KMT5B: variants seen among roughly 807,000 people sequenced by gnomAD.
The protein encoded by KMT5B is lysine methyltransferase 5B.
KMT5B carries 10 observed loss-of-function variants against 83.2 expected under a neutral mutation model. That is an observed-to-expected ratio of 0.12 (90% CI 0.07 to 0.20). KMT5B has a LOEUF of 0.20. KMT5B is among the 10% of genes least tolerant of loss of function. The pLI is 1.00. For missense variants in KMT5B, 753 were observed against 1,067.2 expected, an observed-to-expected ratio of 0.71 and a Z score of 4.10; for synonymous variants, 349 against 388.8, an observed-to-expected ratio of 0.90 and a Z score of 1.20.
chr11:68,191,210 G>A (rs994181002), intron 1 of KMT5B, among the ~76,000 whole-genome samples: 7 of 80,890 alleles, frequency 8.7e-5, no homozygotes, highest in African/African-American at 3.2e-4. Flanking sequence ...TGTGTGTGTA[G>A]AGACGAGGTC....
At chr11:68,194,004 T>G (rs192339598) in intron 1 of KMT5B, among the ~76,000 whole-genome samples, 2 of 151,942 alleles carry the variant, frequency 1.3e-5, no homozygotes, top group African/African-American at 4.8e-5. Flanking sequence ...CAAAGAAAGC[T>G]TGAGAAAAAG....
At chr11:68,192,971 C>A (rs963760676) in intron 1 of KMT5B, among the ~76,000 whole-genome samples, 3 of 152,130 alleles carry the variant, frequency 2.0e-5, no homozygotes, top group Admixed American at 6.6e-5. Context: ...GTGGGGGATG[C>A]TTGTAATTTA....
chr11:68,187,577 A>T (rs1857556580), intron 2 of KMT5B, among the ~76,000 whole-genome samples: 1 of 152,208 alleles, frequency 6.6e-6, no homozygotes, highest in Non-Finnish European at 1.5e-5. Context: ...TTTGAAGTTT[A>T]TGGAAGCTTG....
In KMT5B at chr11:68,158,018, T is replaced by A; in HGVS notation, c.2328A>T (p.Lys776Asn). The change falls in exon 11 of 11, where the codon AAA becomes AAT. Residue 776 changes from lysine to asparagine, a missense_variant. Lys to Asn is a moderately conservative substitution (Grantham distance 94). Coordinates refer to ENST00000304363, the MANE Select transcript of KMT5B (RefSeq NM_017635.5). Reference sequence around the variant, plus strand: ...CATCTCGTTTTAGCTGGATTTTTAATTTTGTAGAACTACTGCCTGATCCTG... The same window carrying A: ...CATCTCGTTTTAGCTGGATTTTTAAATTTGTAGAACTACTGCCTGATCCTG... ...FNSGSGSSST[K>N]LKIQLKRDEE... The A allele has an allele frequency of 6.2e-7, 1 of 1,614,208 alleles. No homozygotes were observed. Among genetic ancestry groups the A allele is most frequent in the Non-Finnish European group, 8.5e-7 (1 of 1,180,034 alleles).
Position 68,167,015 on chromosome 11 carries a change from C to T in KMT5B, c.1141G>A (p.Asp381Asn), listed in dbSNP as rs771410969. The T allele has an allele frequency of 6.2e-7, 1 of 1,614,094 alleles. No individual in the cohort carries two copies. Among genetic ancestry groups the T allele is most frequent in the South Asian group, 1.1e-5 (1 of 91,074 alleles). Residue 381 changes from aspartate (D) to asparagine (N), a missense_variant, in exon 10 of 11, where the codon GAT becomes AAT. Physicochemically the swap from Asp to Asn is conservative, Grantham distance 23. Around this residue, in one of 9 missense-constraint regions of KMT5B, gnomAD observed 397 missense variants for 395.9 expected, o/e 1.00. Transcript: ENST00000304363. Reference protein sequence around the residue: ...SDSQSVSSNTDADTTQEKNNA... With the variant: ...SDSQSVSSNTNADTTQEKNNA... The stretch of plus-strand genomic sequence containing the variant: ...TTTTTTTCCTGAGTGGTATCTGCAT[C>T]AGTGTTAGAGCTGACAGATTGACTG...
intron 3 of KMT5B, among the ~76,000 whole-genome samples, chr11:68,185,380 G>A (rs1025495150): frequency 6.6e-6 from 1 of 151,952 alleles, no homozygotes. Flanking sequence ...AATTTTTTTT[G>A]TACTTTTAGT....
chr11:68,158,547 G>T lies in KMT5B; in HGVS notation c.1799C>A (p.Ala600Glu), dbSNP rs1313159696. 1 of 1,614,104 alleles carries T rather than the reference G, an allele frequency of 6.2e-7. No homozygotes were observed. The highest frequency in any genetic ancestry group is 1.3e-5 in the African/African-American group (1 of 75,012). Reference protein sequence around the residue: ...LAHETAQKGEAKCHKSDTGMS... With the variant: ...LAHETAQKGEEKCHKSDTGMS... The stretch of plus-strand genomic sequence containing the variant: ...GCCTGTGTCACTCTTATGACACTTT[G>T]CCTCCCCTTTTTGTGCAGTCTCATG... Residue 600 changes from alanine (A) to glutamate (E), a missense_variant, in exon 11 of 11, where the codon GCA (alanine) becomes GAA (glutamate). Physicochemically the swap from Ala to Glu is moderately radical, Grantham distance 107 (BLOSUM62 -1). This residue lies in a region of KMT5B where 397 missense variants were observed against 395.9 expected (regional missense o/e 1.00). Coordinates refer to ENST00000304363, the MANE Select transcript of KMT5B (RefSeq NM_017635.5).
Position 68,190,170 on chromosome 11 carries a change from T to C in KMT5B, c.-76-18A>G. On this transcript the variant is annotated intron_variant, in intron 1 of 10. Transcript: ENST00000304363. ...GTTCTCTCCTAACAGAAACAAAATA[T>C]GAAAAACAAAACAAAATGGGGAGAT... 1 of 1,210,396 alleles carries C rather than the reference T, an allele frequency of 8.3e-7. No individual in the cohort carries two copies. Among genetic ancestry groups the C allele is most frequent in the South Asian group, 1.4e-5 (1 of 71,294 alleles). 75.0% of individuals were successfully genotyped at this position (1,210,396 alleles called of 1,614,324 possible).
At chr11:68,164,658 C>G in intron 10 of KMT5B, 1 of 514,452 alleles carries the variant, frequency 1.9e-6, no homozygotes, top group Non-Finnish European at 3.9e-6. Context: ...TCATACTGAT[C>G]CTTGGATTGC....
chr11:68,167,085 A>G lies in KMT5B; in HGVS notation c.1071T>C (p.Arg357=), dbSNP rs763934759. 6.2e-7 allele frequency: 1 copy of G among 1,614,100 alleles called. No individual in the cohort carries two copies. Among genetic ancestry groups the G allele is most frequent in the South Asian group, 1.1e-5 (1 of 91,078 alleles). ...SKYGLRETDK[R]LNRLKKLGDS... ...CACCTAACTTTTTAAGCCTATTTAA[A>G]CGTTTATCTGTTTCTCTGAGTCCAT... Residue 357 remains arginine (R), a synonymous_variant, in exon 10 of 11, where the codon CGT becomes CGC. Coordinates refer to ENST00000304363, the MANE Select transcript of KMT5B (RefSeq NM_017635.5).
At chr11:68,196,112 G>A (rs1463862087) in intron 1 of KMT5B, among the ~76,000 whole-genome samples, 1 of 152,112 alleles carries the variant, frequency 6.6e-6, no homozygotes, top group Non-Finnish European at 1.5e-5. Flanking sequence ...AGCCAAGACT[G>A]CACCACTGGA....
chr11:68,171,841 T>C lies in KMT5B; in HGVS notation c.654-132A>G. ...GCTGTCTATACTTTAGTTAGCTCACTGGGATCCCCACCTGGCTATCTTCTC... is the reference window on the plus strand; with the variant it reads ...GCTGTCTATACTTTAGTTAGCTCACCGGGATCCCCACCTGGCTATCTTCTC... On this transcript the variant is annotated intron_variant, in intron 6 of 10. Coordinates refer to ENST00000304363, the MANE Select transcript of KMT5B (RefSeq NM_017635.5). The surrounding 1 kb of genome is among the most constrained non-coding windows in gnomAD (Gnocchi z 5.1). 2 of 714,282 alleles carry C rather than the reference T, an allele frequency of 2.8e-6. No homozygotes were observed. The highest frequency in any genetic ancestry group is 4.6e-6 in the Non-Finnish European group (2 of 438,950). The allele number at this position is 714,282 out of a possible 1,614,324, so 44.2% of individuals were successfully genotyped here.
chr11:68,204,127 C>T (rs563597427), intron 1 of KMT5B, among the ~76,000 whole-genome samples: 1 of 152,162 alleles, frequency 6.6e-6, no homozygotes, highest in South Asian at 2.1e-4. Context: ...AGGTAGAATG[C>T]TTCACCCACT....
chr11:68,170,901 G>T, intron 9 of KMT5B, 114 bp downstream of exon 9: 1 of 1,168,908 alleles, frequency 8.6e-7, no homozygotes, highest in African/African-American at 1.6e-5. Context: ...CTATGCTAAA[G>T]AACATAAAGA....
At chr11:68,164,544 C>A (rs1049468696) in intron 10 of KMT5B, 3 of 431,354 alleles carry the variant, frequency 7.0e-6, no homozygotes, top group African/African-American at 6.1e-5. Flanking sequence ...CTTATGTGAA[C>A]ATGACTTAAC....
intron 3 of KMT5B, among the ~76,000 whole-genome samples, chr11:68,181,403 T>C (rs747831376): frequency 5.9e-5 from 9 of 152,110 alleles, no homozygotes; most frequent in African/African-American, 2.2e-4. Flanking sequence ...ACATTCTTCC[T>C]GTTGGTAGAC....
chr11:68,181,079 T>C lies in KMT5B; in HGVS notation c.309-879A>G, dbSNP rs560972126. On this transcript the variant is annotated intron_variant, in intron 3 of 10. Coordinates refer to ENST00000304363, the MANE Select transcript of KMT5B (RefSeq NM_017635.5). Reference sequence around the variant, plus strand: ...AACATCTACTCTTTCTTTTTTCTTTTTTTTTTTTTTTTGGAGATAGAGTCT... The same window carrying C: ...AACATCTACTCTTTCTTTTTTCTTTCTTTTTTTTTTTTGGAGATAGAGTCT... Among the ~76,000 whole-genome samples, 150 of 135,752 alleles carry C rather than the reference T, an allele frequency of 1.1e-3. 3 individuals are homozygous for C. The highest frequency in any genetic ancestry group is 3.2e-3 in the Admixed American group (46 of 14,266). 89.1% of individuals were successfully genotyped at this position (135,752 alleles called of 152,430 possible).
rs1041797474 is a variant in KMT5B, at chr11:68,167,129, G to A, written c.1027C>T (p.Pro343Ser). 6.2e-6 allele frequency: 10 copies of A among 1,613,704 alleles called. No homozygotes were observed. The highest frequency in any genetic ancestry group is 3.3e-5 in the Admixed American group (2 of 59,968). Residue 343 changes from proline to serine, a missense_variant, in exon 10 of 11, where the codon CCT becomes TCT. Physicochemically the swap from Pro to Ser is moderately conservative, Grantham distance 74 (BLOSUM62 -1). Transcript: ENST00000304363. ...KSRVGLPAPA[P>S]VINSKYGLRE... is the part of the protein sequence containing the mutation. The stretch of plus-strand genomic sequence containing the variant: ...AGTCCATATTTGCTATTGATAACAG[G>A]AGCAGGCGCAGGCAGTCCCACTCTG...
At chr11:68,195,297 A>T (rs1237406030) in intron 1 of KMT5B, among the ~76,000 whole-genome samples, 1 of 152,242 alleles carries the variant, frequency 6.6e-6, no homozygotes, top group Non-Finnish European at 1.5e-5. Context: ...CTTACTAGGC[A>T]GTTGGTAACC....
Sources: gnomAD v4.1 joint callset for allele counts (sites outside exome capture counted in the v4.1 genomes callset) on GRCh38, gnomAD v4.1.1 for gene constraint, gnomAD v4.1.1 regional missense constraint, Gnocchi (gnomAD v3.1) non-coding constraint, MANE v1.5 for transcripts, NCBI Gene and HGNC (gene_info 2026-07-23, HGNC 2026-07-21) for gene names.